EGFLAM: variants seen among roughly 807,000 people sequenced by gnomAD.
EGFLAM encodes pikachurin.
Under a neutral mutation model 113.1 loss-of-function variants are expected in EGFLAM, and 79 were observed. The ratio of observed to expected loss-of-function variants is 0.70; its 90% CI spans 0.58 to 0.84. The LOEUF (loss-of-function observed/expected upper bound fraction) is 0.84. Among genes scored for constraint, EGFLAM ranks in the 40% least tolerant of loss-of-function variants. The pLI, the probability that EGFLAM is intolerant of heterozygous loss-of-function variation, is 0.00. For synonymous variants in EGFLAM, 504 were observed against 487.6 expected, an observed-to-expected ratio of 1.03 and a Z score of -0.44; for missense variants, 1,265 against 1,291.6, an observed-to-expected ratio of 0.98 and a Z score of 0.32.
rs115693867 is a variant in EGFLAM, at chr5:38,364,097, C to T, written c.546-6199C>T. On this transcript the variant is annotated intron_variant, in intron 5 of 21. Coordinates refer to ENST00000322350, the MANE Select transcript of EGFLAM (RefSeq NM_152403.4). ...GAATTCTGAAGATATTTTAATTCAG[C>T]TCAATCACCCTTTATTGGATACCTC... Among the ~76,000 whole-genome samples, 253 of 152,342 alleles carry T rather than the reference C, an allele frequency of 1.7e-3. 1 individual carries two copies. Among genetic ancestry groups the T allele is most frequent in the African/African-American group, 5.8e-3 (240 of 41,582 alleles).
Position 38,258,683 on chromosome 5 carries a change from C to T in EGFLAM, c.-72C>T. 1 of 1,510,068 alleles carries T rather than the reference C, an allele frequency of 6.6e-7. No individual in the cohort carries two copies. Among genetic ancestry groups the T allele is most frequent in the Admixed American group, 1.9e-5 (1 of 51,628 alleles). 93.5% of individuals were successfully genotyped at this position (1,510,068 alleles called of 1,614,324 possible). Reference sequence around the variant, plus strand: ...GGGGATCCGTTGGGGCCGCGTCCCCCACGCGCCCCCGGAGACGCCCTTTCC... The same window carrying T: ...GGGGATCCGTTGGGGCCGCGTCCCCTACGCGCCCCCGGAGACGCCCTTTCC... On this transcript the variant is annotated 5_prime_UTR_variant, in exon 1 of 22. Transcript: ENST00000322350.
chr5:38,457,295 AG>A (rs1390392989), intron 19 of EGFLAM, among the ~76,000 whole-genome samples: 1 of 152,332 alleles, frequency 6.6e-6, no homozygotes, highest in South Asian at 2.1e-4. Flanking sequence ...ACCACAAATT[AG>A]GTGGCTTAAA....
chr5:38,325,484 G>A (rs936189207), intron 1 of EGFLAM, among the ~76,000 whole-genome samples: 3 of 152,166 alleles, frequency 2.0e-5, no homozygotes, highest in East Asian at 1.9e-4. Context: ...GACAAGTGGC[G>A]ACAGATTTAG....
At chr5:38,377,130 T>TA (rs1279273672) in intron 6 of EGFLAM, among the ~76,000 whole-genome samples, 3 of 151,450 alleles carry the variant, frequency 2.0e-5, no homozygotes, top group Non-Finnish European at 3.0e-5. Context: ...GTGTTCTCTT[T>TA]TTTTTTTTTG....
chr5:38,412,791 AC>A, intron 11 of EGFLAM, 143 bp downstream of exon 11: 1 of 1,292,642 alleles, frequency 7.7e-7, no homozygotes, highest in Non-Finnish European at 1.0e-6. Context: ...CTCATGGTGA[AC>A]CCATGCAACA....
chr5:38,397,689 A>G (rs911320973), intron 6 of EGFLAM, among the ~76,000 whole-genome samples: 2 of 152,294 alleles, frequency 1.3e-5, no homozygotes, highest in Admixed American at 1.3e-4. Flanking sequence ...CAGCTATCAC[A>G]AGCACCTTCA....
chr5:38,458,230 T>G, intron 19 of EGFLAM, 81 bp from the exon 20 acceptor site: 13 of 1,308,352 alleles, frequency 9.9e-6, no homozygotes, highest in South Asian at 1.7e-5. Context: ...ACTTTTGCCC[T>G]GAGAATCGTC....
At position 38,425,045 on chromosome 5, in the gene EGFLAM, A is replaced by G; in HGVS notation, c.1763A>G (p.Tyr588Cys). 1 of 1,614,134 alleles carries G rather than the reference A, an allele frequency of 6.2e-7. No individual in the cohort carries two copies. The highest frequency in any genetic ancestry group is 8.5e-7 in the Non-Finnish European group (1 of 1,180,000). ...GTCTAIKADSYICLCPLGFKG... is the reference protein window; with the variant it reads ...GTCTAIKADSCICLCPLGFKG... The stretch of plus-strand genomic sequence containing the variant: ...TGCACAGCAATCAAAGCCGACTCCT[A>G]CATTTGCCTCTGTCCCCTTGGGTTT... The change falls in exon 13 of 22, where the codon TAC (tyrosine) becomes TGC (cysteine). Residue 588 changes from tyrosine (Y) to cysteine (C), a missense_variant. Transcript: ENST00000322350.
intron 11 of EGFLAM, among the ~76,000 whole-genome samples, chr5:38,415,957 A>G (rs919642229): frequency 8.5e-5 from 13 of 152,212 alleles, no homozygotes. Context: ...CCATGATTCA[A>G]TTACCTCCCA....
Position 38,418,195 on chromosome 5 carries a change from G to T in EGFLAM, c.1624G>T (p.Gly542Trp), listed in dbSNP as rs773160233. The T allele has an allele frequency of 3.2e-5, 51 of 1,614,012 alleles. No homozygotes were observed. The highest frequency in any genetic ancestry group is 4.3e-5 in the Non-Finnish European group (51 of 1,180,012). Reference protein sequence around the residue: ...QGCVQSLAVNGRRIDMRPWPL... With the variant: ...QGCVQSLAVNWRRIDMRPWPL... Reference sequence around the variant, plus strand: ...CTGTGTGCAGTCGCTCGCTGTGAATGGGAGGAGAATTGACATGAGGCCCTG... The same window carrying T: ...CTGTGTGCAGTCGCTCGCTGTGAATTGGAGGAGAATTGACATGAGGCCCTG... Residue 542 changes from glycine to tryptophan, a missense_variant, in exon 12 of 22, where the codon GGG becomes TGG. Physicochemically the swap from Gly to Trp is radical, Grantham distance 184 (BLOSUM62 -2). Coordinates refer to ENST00000322350, the MANE Select transcript of EGFLAM (RefSeq NM_152403.4).
intron 19 of EGFLAM, among the ~76,000 whole-genome samples, chr5:38,454,339 C>T (rs955013434): frequency 1.3e-5 from 2 of 151,440 alleles, no homozygotes; most frequent in Non-Finnish European, 2.9e-5. Flanking sequence ...GCTTTGGAAT[C>T]ACACATGCCT....
At chr5:38,448,449 T>C in intron 18 of EGFLAM, 70 bp downstream of exon 18, 1 of 1,476,674 alleles carries the variant, frequency 6.8e-7, no homozygotes, top group East Asian at 2.3e-5. Context: ...TCTCAGGGCT[T>C]TTTCTTATAT....
chr5:38,379,102 G>A (rs556662160), intron 6 of EGFLAM, among the ~76,000 whole-genome samples: 4 of 152,162 alleles, frequency 2.6e-5, no homozygotes, highest in Non-Finnish European at 5.9e-5. Flanking sequence ...AGAACAAAAA[G>A]TTTCCTCTCT....
chr5:38,309,907 G>A (rs1738379719), intron 1 of EGFLAM, among the ~76,000 whole-genome samples: 1 of 152,166 alleles, frequency 6.6e-6, no homozygotes, highest in African/African-American at 2.4e-5. Flanking sequence ...ATATTGCACA[G>A]TAACACCAAA....
rs1165010035 is a variant in EGFLAM at position 38,352,238 on chromosome 5, T to C, written c.452T>C (p.Ile151Thr). Residue 151 changes from isoleucine to threonine, a missense_variant, in exon 5 of 22, where the codon ATT (isoleucine) becomes ACT (threonine). Ile to Thr is a moderately conservative substitution (Grantham distance 89). Coordinates refer to ENST00000322350, the MANE Select transcript of EGFLAM (RefSeq NM_152403.4). ...GCAGCTCCCCAGCAGCCACATGTCA[T>C]TGTGGTTTCGGATTCTGAGGTGGCC... ...PPAAPQQPHVIVVSDSEVALS... is the reference protein window; with the variant it reads ...PPAAPQQPHVTVVSDSEVALS... The C allele has an allele frequency of 9.3e-6, 15 of 1,613,968 alleles. No homozygotes were observed. The East Asian group carries it at 2.5e-4, about 26-fold the overall frequency.
chr5:38,431,369 A>G, intron 15 of EGFLAM, 81 bp downstream of exon 15: 3 of 1,419,466 alleles, frequency 2.1e-6, no homozygotes, highest in African/African-American at 2.8e-5. Flanking sequence ...GAAAAGCAGC[A>G]GAGTGTTCTG....
chr5:38,364,647 C>G (rs749171685), intron 5 of EGFLAM, among the ~76,000 whole-genome samples: 3 of 152,012 alleles, frequency 2.0e-5, no homozygotes, highest in African/African-American at 7.3e-5. Context: ...TTTGAAAGAT[C>G]GTGCAGACAT....
intron 14 of EGFLAM, among the ~76,000 whole-genome samples, chr5:38,427,857 T>G (rs1172582973): frequency 6.6e-6 from 1 of 152,240 alleles, no homozygotes; most frequent in African/African-American, 2.4e-5. Flanking sequence ...TGGGTGCTTC[T>G]GCAGTACTTG....
Position 38,370,369 on chromosome 5 carries a change from G to A in EGFLAM, c.619G>A (p.Asp207Asn), listed in dbSNP as rs1051511388. ...GGACTCCATGGTTATCAAGGGCCTC[G>A]ATCCAGATACCAACTACCAGTTTGC... ...QMDSMVIKGL[D>N]PDTNYQFAVR... The change falls in exon 6 of 22, where the codon GAT (aspartate) becomes AAT (asparagine). Residue 207 changes from aspartate (D) to asparagine (N), a missense_variant. Transcript: ENST00000322350. The A allele has an allele frequency of 2.3e-5, 37 of 1,614,066 alleles. No individual in the cohort carries two copies. Among genetic ancestry groups the A allele is most frequent in the East Asian group, 4.5e-5 (2 of 44,888 alleles).
Sources: gnomAD v4.1 joint callset for allele counts (sites outside exome capture counted in the v4.1 genomes callset) on GRCh38, gnomAD v4.1.1 for gene constraint, MANE v1.5 for transcripts, NCBI Gene and HGNC (gene_info 2026-07-23, HGNC 2026-07-21) for gene names.